Variants in FAM83B observed in about 807,000 individuals in gnomAD.
FAM83B encodes the protein protein FAM83B.
Under a neutral mutation model 38.8 loss-of-function variants are expected in FAM83B, and 26 were observed. That is an observed-to-expected ratio of 0.67 (90% confidence interval 0.49 to 0.93). The LOEUF is 0.93. FAM83B is among the 40% of genes least tolerant of loss of function. FAM83B has a pLI of 0.00. For missense variants in FAM83B, 1,237 were observed against 1,197.3 expected (o/e 1.03, Z -0.49); for synonymous variants, 419 against 423.1 (o/e 0.99, Z 0.12).
At chr6:54,890,240 AC>A (rs11310153) in intron 2 of FAM83B, among the ~76,000 whole-genome samples, 98,046 of 151,912 alleles carry the variant, frequency 0.65, 33,582 homozygotes, top group East Asian at 0.89. Flanking sequence ...AACCAAGTAC[AC>A]CAACCTTTTG....
intron 2 of FAM83B, among the ~76,000 whole-genome samples, chr6:54,901,313 C>A (rs1561919317): frequency 6.6e-6 from 1 of 152,076 alleles, no homozygotes; most frequent in African/African-American, 2.4e-5. Context: ...TATAGAATAT[C>A]AGTAAGTAAA....
intron 1 of FAM83B, among the ~76,000 whole-genome samples, chr6:54,856,101 G>A (rs769716367): frequency 6.6e-6 from 1 of 152,110 alleles, no homozygotes; most frequent in Non-Finnish European, 1.5e-5. Flanking sequence ...AACTCTTTGG[G>A]GAAAGCTTAA....
At chr6:54,914,146 G>A (rs1772982503) in intron 2 of FAM83B, among the ~76,000 whole-genome samples, 2 of 152,078 alleles carry the variant, frequency 1.3e-5, no homozygotes, top group South Asian at 4.2e-4. Flanking sequence ...GTAAATAGTG[G>A]TGGGATATTT....
At chr6:54,934,519 G>A (rs1327337727) in intron 4 of FAM83B, among the ~76,000 whole-genome samples, 1 of 152,114 alleles carries the variant, frequency 6.6e-6, no homozygotes, top group Non-Finnish European at 1.5e-5. Flanking sequence ...GATTGTCAAA[G>A]GAGATGGAAT....
intron 2 of FAM83B, among the ~76,000 whole-genome samples, chr6:54,895,359 A>C (rs1310568953): frequency 6.6e-6 from 1 of 152,222 alleles, no homozygotes; most frequent in Non-Finnish European, 1.5e-5. Context: ...TTAGCCTTGC[A>C]TAAAATTCTA....
At chr6:54,862,615 G>A (rs1771612514) in intron 1 of FAM83B, among the ~76,000 whole-genome samples, 1 of 152,126 alleles carries the variant, frequency 6.6e-6, no homozygotes, top group African/African-American at 2.4e-5. Context: ...GGTGCCTCAT[G>A]CCTGTAATCC....
At chr6:54,923,496 G>A (rs1467527184) in intron 2 of FAM83B, among the ~76,000 whole-genome samples, 5 of 152,138 alleles carry the variant, frequency 3.3e-5, no homozygotes, top group East Asian at 1.9e-4. Context: ...ACCAAACAGC[G>A]TTGAAGAATA....
At chr6:54,914,828 G>A (rs1242128996) in intron 2 of FAM83B, among the ~76,000 whole-genome samples, 1 of 152,034 alleles carries the variant, frequency 6.6e-6, no homozygotes, top group East Asian at 1.9e-4. Flanking sequence ...TACCTCCCCA[G>A]TCATGAAGGG....
At chr6:54,902,167 C>G (rs972224743) in intron 2 of FAM83B, among the ~76,000 whole-genome samples, 1 of 152,164 alleles carries the variant, frequency 6.6e-6, no homozygotes, top group Non-Finnish European at 1.5e-5. Context: ...TGATCTGACT[C>G]CAAAAAGTAA....
chr6:54,913,008 C>T (rs1229410026), intron 2 of FAM83B, among the ~76,000 whole-genome samples: 3 of 151,920 alleles, frequency 2.0e-5, no homozygotes, highest in Non-Finnish European at 4.4e-5. Context: ...GTTTTTTACT[C>T]AAATGGAAAT....
rs753893335 is a variant in FAM83B, at chr6:54,941,706, C to T, written c.2735C>T (p.Pro912Leu). 3.1e-6 allele frequency: 5 copies of T among 1,614,036 alleles called. No individual in the cohort carries two copies. The South Asian group carries it at 5.5e-5, about 18-fold the overall frequency. ...GCAGTTGTTACCCCTGAAAGAAGAC[C>T]TACTTCTTCTCCAAGGCCAACGTCC... is the stretch of plus-strand genomic sequence containing the variant. ...INAVVTPERR[P>L]TSSPRPTSSE... The change falls in exon 5 of 5, where the codon CCT (proline) becomes CTT (leucine). Residue 912 changes from proline (P) to leucine (L), a missense_variant. Transcript: ENST00000306858.
At chr6:54,900,095 T>C (rs907261909) in intron 2 of FAM83B, among the ~76,000 whole-genome samples, 4 of 152,236 alleles carry the variant, frequency 2.6e-5, no homozygotes, top group African/African-American at 9.6e-5. Context: ...ACATTTGTTA[T>C]GCAAAATATC....
intron 2 of FAM83B, among the ~76,000 whole-genome samples, chr6:54,888,642 T>C (rs1384197455): frequency 6.6e-6 from 1 of 152,024 alleles, no homozygotes; most frequent in African/African-American, 2.4e-5. Context: ...TTTAAAGGTA[T>C]ATATTTTTTC....
chr6:54,877,765 G>A lies in FAM83B; in HGVS notation c.444+7075G>A, dbSNP rs185722137. Among the ~76,000 whole-genome samples the A allele has an allele frequency of 3.2e-3, 487 of 152,242 alleles. 1 individual carries two copies. Among genetic ancestry groups the A allele is most frequent in the African/African-American group, 9.6e-3 (397 of 41,544 alleles). ...ACATTTTACTGATGAAAAATACTGCGTTCACGTGGTAGGTTGGTCAGCGGT... is the reference window on the plus strand; with the variant it reads ...ACATTTTACTGATGAAAAATACTGCATTCACGTGGTAGGTTGGTCAGCGGT... On this transcript the variant is annotated intron_variant, in intron 2 of 4. Transcript: ENST00000306858.
At chr6:54,880,796 A>G (rs147554761) in intron 2 of FAM83B, among the ~76,000 whole-genome samples, 240 of 152,312 alleles carry the variant, frequency 1.6e-3, no homozygotes, top group Middle Eastern at 6.8e-3. Flanking sequence ...TCAATATGGA[A>G]AAATTCAAGA....
At chr6:54,897,485 G>C (rs1772564349) in intron 2 of FAM83B, among the ~76,000 whole-genome samples, 1 of 151,490 alleles carries the variant, frequency 6.6e-6, no homozygotes, top group Admixed American at 6.6e-5. Flanking sequence ...TTTTTTTTTA[G>C]AACTTTTGAC....
intron 4 of FAM83B, among the ~76,000 whole-genome samples, chr6:54,931,217 C>A (rs1184746788): frequency 6.6e-6 from 1 of 152,134 alleles, no homozygotes; most frequent in Non-Finnish European, 1.5e-5. Flanking sequence ...CTAACGTGAT[C>A]TGTCTTGGAG....
chr6:54,917,893 A>G (rs1041328379), intron 2 of FAM83B, among the ~76,000 whole-genome samples: 2 of 152,172 alleles, frequency 1.3e-5, no homozygotes, highest in Admixed American at 6.5e-5. Flanking sequence ...GTTAAAAAAT[A>G]TAGCCATATC....
chr6:54,854,506 T>A (rs1412487556), intron 1 of FAM83B, among the ~76,000 whole-genome samples: 1 of 152,180 alleles, frequency 6.6e-6, no homozygotes, highest in Non-Finnish European at 1.5e-5. Context: ...GCCCCTCCAA[T>A]GGCAAAAAGA....
Sources: gnomAD v4.1 joint callset for allele counts (sites outside exome capture counted in the v4.1 genomes callset) on GRCh38, gnomAD v4.1.1 for gene constraint, MANE v1.5 for transcripts, NCBI Gene and HGNC (gene_info 2026-07-23, HGNC 2026-07-21) for gene names.